Variants in DYM observed in about 807,000 individuals in gnomAD.
DYM encodes dymeclin.
A neutral mutation model predicts 93.1 loss-of-function variants in DYM; 78 were observed. The ratio of observed to expected loss-of-function variants is 0.84; its 90% CI spans 0.70 to 1.01. The LOEUF is 1.01. Ranked by LOEUF, DYM falls within the 50% of genes least tolerant of loss-of-function variation. The pLI is 0.00. For missense variants in DYM, 789 were observed against 845.0 expected (o/e 0.93, Z 0.82); for synonymous variants, 321 against 319.7 (o/e 1.00, Z -0.04).
At chr18:49,261,023 T>G (rs936864736) in intron 11 of DYM, among the ~76,000 whole-genome samples, 2 of 152,048 alleles carry the variant, frequency 1.3e-5, no homozygotes, top group Non-Finnish European at 2.9e-5. Context: ...CAGAATTAAA[T>G]CTAAATAATA....
At chr18:49,071,034 A>G (rs2076842507) in intron 17 of DYM, among the ~76,000 whole-genome samples, 1 of 152,204 alleles carries the variant, frequency 6.6e-6, no homozygotes, top group African/African-American at 2.4e-5. Context: ...AAAGGACAAA[A>G]ATAATCACTG....
intron 17 of DYM, among the ~76,000 whole-genome samples, chr18:49,092,836 G>A (rs1043061433): frequency 2.0e-4 from 31 of 152,308 alleles, no homozygotes; most frequent in African/African-American, 7.2e-4. Context: ...AAGCTTAGCG[G>A]TAAGAGACCC....
intron 16 of DYM, chr18:49,114,445 T>A: frequency 1.7e-6 from 1 of 599,874 alleles, no homozygotes; most frequent in Non-Finnish European, 2.1e-6. Flanking sequence ...AAGTGAGCAC[T>A]GGGTATAAGT....
At chr18:49,198,691 C>G (rs1042925339) in intron 14 of DYM, among the ~76,000 whole-genome samples, 3 of 151,230 alleles carry the variant, frequency 2.0e-5, no homozygotes, top group Non-Finnish European at 4.4e-5. Context: ...CCATCTCACA[C>G]CAGTTAGAAT....
chr18:49,184,092 T>A (rs1285842911), intron 14 of DYM, among the ~76,000 whole-genome samples: 1 of 152,190 alleles, frequency 6.6e-6, no homozygotes, highest in East Asian at 1.9e-4. Context: ...TATGGTATTT[T>A]GTTATGAGCC....
At chr18:49,331,359 C>T (rs1352934630) in intron 8 of DYM, among the ~76,000 whole-genome samples, 1 of 152,208 alleles carries the variant, frequency 6.6e-6, no homozygotes, top group African/African-American at 2.4e-5. Context: ...AAGAAATCTG[C>T]ACCCAATCAA....
chr18:49,370,790 T>C (rs2066966884), intron 5 of DYM, among the ~76,000 whole-genome samples: 2 of 152,078 alleles, frequency 1.3e-5, no homozygotes, highest in Admixed American at 1.3e-4. Context: ...AAAGAAACTA[T>C]CATTGCAGCA....
chr18:49,425,737 G>T (rs2074219637), intron 2 of DYM, among the ~76,000 whole-genome samples: 5 of 152,040 alleles, frequency 3.3e-5, no homozygotes, highest in Admixed American at 1.3e-4. Flanking sequence ...TAGGCAAAGG[G>T]TATGAACAGA....
At chr18:49,379,820 T>C (rs1354719169) in intron 3 of DYM, 62 bp from the exon 4 acceptor site, 2 of 1,327,392 alleles carry the variant, frequency 1.5e-6, no homozygotes, top group African/African-American at 1.5e-5. Context: ...AGTGAGCTTA[T>C]CATAACATTT....
At chr18:49,415,066 C>A (rs1314489808) in intron 2 of DYM, among the ~76,000 whole-genome samples, 11 of 151,886 alleles carry the variant, frequency 7.2e-5, no homozygotes, top group African/African-American at 2.4e-4. Context: ...CTCACTGAAA[C>A]CTCTGTTTCC....
At chr18:49,300,984 C>T (rs2060894528) in intron 8 of DYM, among the ~76,000 whole-genome samples, 1 of 152,040 alleles carries the variant, frequency 6.6e-6, no homozygotes, top group Non-Finnish European at 1.5e-5. Flanking sequence ...GAGCACGGTG[C>T]CTCAAACCTT....
At chr18:49,253,816 C>T (rs939498135) in intron 13 of DYM, among the ~76,000 whole-genome samples, 2 of 152,212 alleles carry the variant, frequency 1.3e-5, no homozygotes, top group Non-Finnish European at 2.9e-5. Flanking sequence ...CTTAAAAACT[C>T]ATTCAATCAC....
chr18:49,227,153 A>C (rs1443984441), intron 13 of DYM, among the ~76,000 whole-genome samples: 2 of 152,170 alleles, frequency 1.3e-5, no homozygotes, highest in Non-Finnish European at 1.5e-5. Context: ...ATCATCAAAA[A>C]GCTTGCTCAT....
At chr18:49,135,233 G>A (rs1428041187) in intron 15 of DYM, among the ~76,000 whole-genome samples, 1 of 152,106 alleles carries the variant, frequency 6.6e-6, no homozygotes, top group Admixed American at 6.5e-5. Flanking sequence ...GAAGAATGCT[G>A]AACTTTACTG....
intron 16 of DYM, among the ~76,000 whole-genome samples, chr18:49,115,708 GC>G (rs913286719): frequency 7.9e-5 from 12 of 152,170 alleles, no homozygotes; most frequent in African/African-American, 2.9e-4. Context: ...ATCTCCTGGA[GC>G]TTGAAAGAGA....
chr18:49,423,528 A>G (rs1216182224), intron 2 of DYM, among the ~76,000 whole-genome samples: 1 of 152,238 alleles, frequency 6.6e-6, no homozygotes, highest in Non-Finnish European at 1.5e-5. Context: ...GGCAGAAGGC[A>G]AGAAATAACT....
intron 6 of DYM, among the ~76,000 whole-genome samples, chr18:49,349,043 A>T (rs1194580761): frequency 6.6e-6 from 1 of 151,994 alleles, no homozygotes; most frequent in Non-Finnish European, 1.5e-5. Context: ...ACCCGTCTCT[A>T]CTAAAAATAT....
At chr18:49,275,782 T>G (rs1012529945) in intron 10 of DYM, among the ~76,000 whole-genome samples, 2 of 152,180 alleles carry the variant, frequency 1.3e-5, no homozygotes, top group African/African-American at 4.8e-5. Flanking sequence ...ATTTTGTAGT[T>G]TTCACAGTGT....
chr18:49,364,452 A>AG (rs2066324951), intron 5 of DYM, among the ~76,000 whole-genome samples: 4 of 152,048 alleles, frequency 2.6e-5, no homozygotes, highest in South Asian at 4.2e-4. Flanking sequence ...CTCAAAAAAA[A>AG]AAAAGAAAGA....
Sources: allele counts gnomAD v4.1 joint callset (sites outside exome capture counted in the v4.1 genomes callset), GRCh38; gene constraint gnomAD v4.1.1; transcripts MANE v1.5; gene names NCBI Gene and HGNC (gene_info 2026-07-23, HGNC 2026-07-21).